The following PCDHGA7 variants were observed in gnomAD, a reference collection of about 807,000 sequenced individuals.
PCDHGA7 encodes protocadherin gamma subfamily A, 7, also known as protocadherin gamma-A7.
PCDHGA7 carries 44 observed loss-of-function variants against 58.3 expected under a neutral mutation model. That is an observed-to-expected ratio of 0.75 (90% CI 0.59 to 0.97). The LOEUF (loss-of-function observed/expected upper bound fraction) is 0.97. Among genes scored for constraint, PCDHGA7 ranks in the 50% least tolerant of loss-of-function variants. PCDHGA7 has a pLI of 0.00. For missense variants in PCDHGA7, 1,266 were observed against 1,188.7 expected, an observed-to-expected ratio of 1.06 and a Z score of -0.96; for synonymous variants, 516 against 504.2, an observed-to-expected ratio of 1.02 and a Z score of -0.31.
chr5:141,475,105 G>C (rs1215386045), intron 1 of PCDHGA7, among the ~76,000 whole-genome samples: 1 of 152,156 alleles, frequency 6.6e-6, no homozygotes, highest in Non-Finnish European at 1.5e-5. Context: ...GATCCTAGGT[G>C]GTAAATAGGC....
At chr5:141,472,003 A>T (rs1450802255) in intron 1 of PCDHGA7, among the ~76,000 whole-genome samples, 1 of 152,176 alleles carries the variant, frequency 6.6e-6, no homozygotes, top group Non-Finnish European at 1.5e-5. Context: ...CCTGCATCGT[A>T]TAGGGGCACT....
chr5:141,457,959 T>C (rs1426112930), intron 1 of PCDHGA7, among the ~76,000 whole-genome samples: 3 of 152,208 alleles, frequency 2.0e-5, no homozygotes, highest in Admixed American at 2.0e-4. Flanking sequence ...CAAGCTTGAT[T>C]CCTTAAAGGG....
chr5:141,393,387 C>T lies in PCDHGA7; in HGVS notation c.2424+8064C>T, dbSNP rs772072669. The stretch of plus-strand genomic sequence containing the variant: ...GACTGGAGACAATGGAGCCATAAAC[C>T]CAGAGCTGGTGCTGGAGCGCGCCCT... On this transcript the variant is annotated intron_variant, in intron 1 of 3. Coordinates refer to ENST00000518325, the MANE Select transcript of PCDHGA7 (RefSeq NM_018920.4). The T allele has an allele frequency of 3.7e-6, 6 of 1,613,972 alleles. No homozygotes were observed. The East Asian group carries it at 1.3e-4, about 36-fold the overall frequency.
At chr5:141,483,694 C>T (rs915328297) in intron 1 of PCDHGA7, among the ~76,000 whole-genome samples, 3 of 151,952 alleles carry the variant, frequency 2.0e-5, no homozygotes, top group African/African-American at 4.8e-5. Flanking sequence ...AGCCAGATTC[C>T]TCTTTTTGAC....
intron 1 of PCDHGA7, chr5:141,389,816 G>A (rs1359127304): frequency 6.2e-7 from 1 of 1,613,776 alleles, no homozygotes; most frequent in Admixed American, 1.7e-5. Flanking sequence ...TGGTCGCCGT[G>A]CGTGACGGTG....
chr5:141,472,281 C>A (rs944776124), intron 1 of PCDHGA7, among the ~76,000 whole-genome samples: 2 of 152,202 alleles, frequency 1.3e-5, no homozygotes, highest in Non-Finnish European at 2.9e-5. Context: ...GTGGCTCACA[C>A]CTGTAATCCC....
At chr5:141,393,251 G>C in intron 1 of PCDHGA7, 1 of 1,613,814 alleles carries the variant, frequency 6.2e-7, no homozygotes, top group South Asian at 1.1e-5. Flanking sequence ...ACGAAATCGC[G>C]GTTCCTGGAG....
chr5:141,421,498 A>T (rs1303740754), intron 1 of PCDHGA7: 2 of 1,613,952 alleles, frequency 1.2e-6, no homozygotes, highest in African/African-American at 1.3e-5. Context: ...GGCAGGCAGG[A>T]TAGACCGGGA....
chr5:141,469,881 G>A (rs922510082), intron 1 of PCDHGA7, among the ~76,000 whole-genome samples: 11 of 152,056 alleles, frequency 7.2e-5, no homozygotes, highest in Admixed American at 3.3e-4. Context: ...CTGTAATCTC[G>A]GCACTTTGGG....
chr5:141,489,088 G>GCCAA lies in PCDHGA7; in HGVS notation c.2425-5719_2425-5718insCCAA. The GCCAA allele has an allele frequency of 2.9e-6, 1 of 347,240 alleles. No individual in the cohort carries two copies. Among genetic ancestry groups the GCCAA allele is most frequent in the Non-Finnish European group, 5.0e-6 (1 of 200,708 alleles). The allele number at this position is 347,240 out of a possible 1,614,324, so 21.5% of individuals were successfully genotyped here. A position where few individuals can be genotyped will look rare whatever the true frequency, so the allele number is the denominator to read the frequency against. ...CCCCTGCCCACCCCCGCCACTCGGT[G>GCCAA]ACTAAGAACTGCTGCAAGCAGGCAA... On this transcript the variant is annotated intron_variant, in intron 1 of 3. Transcript: ENST00000518325. This position sits in a 1 kb window ranked among gnomAD's most constrained non-coding sequence, Gnocchi z 4.5.
In PCDHGA7 at chr5:141,383,193, G is replaced by C. The variant is rs911488617; in HGVS notation, c.294G>C (p.Gln98His). 6.2e-7 allele frequency: 1 copy of C among 1,614,066 alleles called. No homozygotes were observed. The highest frequency in any genetic ancestry group is 8.5e-7 in the Non-Finnish European group (1 of 1,179,946). Residue 98 changes from glutamine to histidine, a missense_variant, in exon 1 of 4, where the codon CAG becomes CAC. Transcript: ENST00000518325. Reference sequence around the variant, plus strand: ...TAGACCGGGAAGAGATCTGCGCTCAGAGTGCGCGGTGTCTGGTAAACTTTA... The same window carrying C: ...TAGACCGGGAAGAGATCTGCGCTCACAGTGCGCGGTGTCTGGTAAACTTTA... ...GRIDREEICA[Q>H]SARCLVNFNI...
At chr5:141,426,764 T>C (rs1285434687) in intron 1 of PCDHGA7, 5 of 456,638 alleles carry the variant, frequency 1.1e-5, no homozygotes, top group Non-Finnish European at 2.2e-5. Flanking sequence ...TAGATGCAGA[T>C]GTAGGGCCTC....
chr5:141,419,258 C>A, intron 1 of PCDHGA7: 3 of 1,614,028 alleles, frequency 1.9e-6, no homozygotes, highest in Non-Finnish European at 2.5e-6. Flanking sequence ...AAACAACCAG[C>A]CGGGTGCCTC....
intron 1 of PCDHGA7, among the ~76,000 whole-genome samples, chr5:141,470,591 G>A (rs1271473509): frequency 1.3e-5 from 2 of 152,132 alleles, no homozygotes; most frequent in African/African-American, 4.8e-5. Flanking sequence ...ATAGGCAGGC[G>A]ACCTGTGCGG....
chr5:141,422,874 G>C (rs763219526), intron 1 of PCDHGA7: 56 of 1,614,134 alleles, frequency 3.5e-5, no homozygotes, highest in Non-Finnish European at 1.0e-5. Flanking sequence ...ACGTGTCGCT[G>C]AGCCTGTTCG....
chr5:141,410,222 G>A, intron 1 of PCDHGA7: 2 of 1,614,018 alleles, frequency 1.2e-6, no homozygotes, highest in South Asian at 2.2e-5. Flanking sequence ...GATACTGCCA[G>A]ACCTCAGCGA....
chr5:141,404,225 A>G, intron 1 of PCDHGA7: 6 of 1,613,828 alleles, frequency 3.7e-6, no homozygotes, highest in Non-Finnish European at 5.1e-6. Context: ...GGTGACTGCA[A>G]CAGACAGAGG....
chr5:141,424,140 C>A, intron 1 of PCDHGA7: 1 of 356,082 alleles, frequency 2.8e-6, no homozygotes, highest in Non-Finnish European at 4.1e-6. Flanking sequence ...TAATAGCATG[C>A]TCCCTCTAGC....
chr5:141,415,515 G>A (rs752258863), intron 1 of PCDHGA7: 5 of 1,614,152 alleles, frequency 3.1e-6, no homozygotes, highest in South Asian at 1.1e-5. Flanking sequence ...CCAATTATGC[G>A]GACACGCTCA....
Sources: allele counts gnomAD v4.1 joint callset (sites outside exome capture counted in the v4.1 genomes callset), GRCh38; gene constraint gnomAD v4.1.1; non-coding constraint Gnocchi (gnomAD v3.1); transcripts MANE v1.5; gene names NCBI Gene and HGNC (gene_info 2026-07-23, HGNC 2026-07-21).